NEDD9: variants seen among roughly 807,000 people sequenced by gnomAD.
NEDD9 encodes neural precursor cell expressed, developmentally down-regulated 9.
In NEDD9, 26 loss-of-function variants were observed where a neutral mutation model predicts 76.6. That is an observed-to-expected ratio of 0.34 (90% CI 0.25 to 0.47). The LOEUF (loss-of-function observed/expected upper bound fraction) is 0.47. Ranked by LOEUF, NEDD9 falls within the 20% of genes least tolerant of loss-of-function variation. NEDD9 has a pLI of 1.00. For missense variants in NEDD9, 937 were observed against 1,058.5 expected (o/e 0.89, Z 1.59); for synonymous variants, 392 against 414.2 (o/e 0.95, Z 0.65).
At chr6:11,289,055 G>T (rs1760708430) in intron 3 of NEDD9, among the ~76,000 whole-genome samples, 1 of 152,206 alleles carries the variant, frequency 6.6e-6, no homozygotes, top group Admixed American at 6.5e-5. Flanking sequence ...ATTGATTTGA[G>T]TCCAGACTTT....
At chr6:11,366,421 AAAAG>A (rs1293946730) in intron 1 of NEDD9, among the ~76,000 whole-genome samples, 5 of 152,022 alleles carry the variant, frequency 3.3e-5, no homozygotes, top group Non-Finnish European at 7.4e-5. Context: ...AGAAAAAAGA[AAAAG>A]AAAGGAAGAA....
chr6:11,281,638 G>A (rs1050262204), intron 3 of NEDD9, among the ~76,000 whole-genome samples: 9 of 152,160 alleles, frequency 5.9e-5, no homozygotes, highest in African/African-American at 2.2e-4. Context: ...ACAGGCATGA[G>A]CCACCACACC....
intron 3 of NEDD9, among the ~76,000 whole-genome samples, chr6:11,300,669 C>T (rs531160667): frequency 6.6e-6 from 1 of 152,158 alleles, no homozygotes; most frequent in Non-Finnish European, 1.5e-5. Context: ...GATCTGTTGG[C>T]AGAAACCCTA....
chr6:11,258,013 C>T (rs953862499), intron 3 of NEDD9, among the ~76,000 whole-genome samples: 5 of 152,126 alleles, frequency 3.3e-5, no homozygotes, highest in African/African-American at 7.2e-5. Flanking sequence ...GTTGGAATAT[C>T]CCCAAAGAGG....
At chr6:11,196,055 A>T (rs1758283607) in intron 2 of NEDD9, among the ~76,000 whole-genome samples, 1 of 152,180 alleles carries the variant, frequency 6.6e-6, no homozygotes, top group African/African-American at 2.4e-5. Context: ...TTGTAATCCC[A>T]GCGCTTTGGG....
chr6:11,298,429 A>C (rs964097894), intron 3 of NEDD9, among the ~76,000 whole-genome samples: 18 of 152,222 alleles, frequency 1.2e-4, no homozygotes. Flanking sequence ...AAATTAAAAA[A>C]TTGAGGTGGT....
intron 2 of NEDD9, among the ~76,000 whole-genome samples, chr6:11,212,907 G>A (rs1039890293): frequency 2.6e-5 from 4 of 152,178 alleles, no homozygotes; most frequent in African/African-American, 9.7e-5. Context: ...AGGCTTGTAC[G>A]AGATTTGGTG....
At chr6:11,348,502 G>A (rs1762405012) in intron 1 of NEDD9, among the ~76,000 whole-genome samples, 1 of 152,124 alleles carries the variant, frequency 6.6e-6, no homozygotes, top group Admixed American at 6.5e-5. Flanking sequence ...GAACAAAGCG[G>A]GAGGTAACAC....
chr6:11,355,716 T>C (rs566120766), intron 1 of NEDD9, among the ~76,000 whole-genome samples: 94 of 125,142 alleles, frequency 7.5e-4, no homozygotes, highest in African/African-American at 2.5e-3. Flanking sequence ...GAGCTTTAGG[T>C]TTTTTTTTTT....
chr6:11,355,973 G>C (rs993921568), intron 1 of NEDD9, among the ~76,000 whole-genome samples: 1 of 152,088 alleles, frequency 6.6e-6, no homozygotes, highest in Admixed American at 6.5e-5. Flanking sequence ...TGCCCACCTT[G>C]GCCTCCCAAA....
upstream of NEDD9, among the ~76,000 whole-genome samples, chr6:11,236,181 C>G (rs187389931): frequency 6.6e-6 from 1 of 152,246 alleles, no homozygotes; most frequent in Admixed American, 6.5e-5. This position sits in a 1 kb window ranked among gnomAD's most constrained non-coding sequence, Gnocchi z 5.5. Flanking sequence ...ATTTATGCAG[C>G]AGCCCTAGGA....
intron 1 of NEDD9, chr6:11,214,334 G>A (rs1331452456): frequency 1.5e-5 from 6 of 402,716 alleles, no homozygotes; most frequent in Admixed American, 6.6e-5. Context: ...ATGCCATCAA[G>A]CGTGGAGCAT....
intron 2 of NEDD9, among the ~76,000 whole-genome samples, chr6:11,325,562 C>G (rs1761908539): frequency 6.6e-6 from 1 of 152,090 alleles, no homozygotes; most frequent in South Asian, 2.1e-4. Flanking sequence ...TTCATGCTAA[C>G]AATTTAAAAT....
chr6:11,302,208 C>CAA (rs1761066128), intron 3 of NEDD9, among the ~76,000 whole-genome samples: 1 of 152,108 alleles, frequency 6.6e-6, no homozygotes, highest in Non-Finnish European at 1.5e-5. Context: ...CACAGAAATG[C>CAA]AAACTACCAT....
In NEDD9 at chr6:11,230,243, A is replaced by G. The variant is rs1475346; in HGVS notation, c.12+2261T>C. ...GAAATAGTCTTAAACTTTCTGGGAGAAGAAAACACTGGCCATATTTTAGAG... is the reference window on the plus strand; with the variant it reads ...GAAATAGTCTTAAACTTTCTGGGAGGAGAAAACACTGGCCATATTTTAGAG... On this transcript the variant is annotated intron_variant, in intron 1 of 6. Coordinates refer to ENST00000379446, the MANE Select transcript of NEDD9 (RefSeq NM_006403.4). Among the ~76,000 whole-genome samples the G allele has an allele frequency of 9.6e-3, 1,462 of 152,310 alleles. 12 individuals carry two copies. The highest frequency in any genetic ancestry group is 0.016 in the Non-Finnish European group (1,110 of 68,002).
chr6:11,358,814 C>T (rs781304387), intron 1 of NEDD9, among the ~76,000 whole-genome samples: 4 of 152,160 alleles, frequency 2.6e-5, no homozygotes, highest in Non-Finnish European at 4.4e-5. Flanking sequence ...GAGACTTAAA[C>T]AACTCTTACC....
chr6:11,290,828 T>C (rs939073575), intron 3 of NEDD9, among the ~76,000 whole-genome samples: 7 of 152,116 alleles, frequency 4.6e-5, no homozygotes, highest in African/African-American at 1.7e-4. Flanking sequence ...GCAGCTAACA[T>C]CTCTCCGAGG....
Position 11,318,496 on chromosome 6 carries a change from A to C in NEDD9, c.-152-12341T>G, listed in dbSNP as rs137975391. Among the ~76,000 whole-genome samples, 9 of 152,266 alleles carry C rather than the reference A, an allele frequency of 5.9e-5. No homozygotes were observed. The East Asian group carries it at 1.4e-3, about 23-fold the overall frequency. ...GGCGTTGATGACTCACTCATGTTAC[A>C]TAATTAGAATTCACCTTCAGACTTT... On this transcript the variant is annotated intron_variant, in intron 2 of 3. Coordinates refer to the NEDD9 transcript ENST00000397378.
At chr6:11,351,465 C>G (rs1309868077) in intron 1 of NEDD9, among the ~76,000 whole-genome samples, 1 of 152,216 alleles carries the variant, frequency 6.6e-6, no homozygotes, top group Non-Finnish European at 1.5e-5. Flanking sequence ...AAAGGCCACT[C>G]TCACCTTCCC....
Sources: allele counts gnomAD v4.1 joint callset (sites outside exome capture counted in the v4.1 genomes callset), GRCh38; gene constraint gnomAD v4.1.1; non-coding constraint Gnocchi (gnomAD v3.1); transcripts MANE v1.5; gene names NCBI Gene and HGNC (gene_info 2026-07-23, HGNC 2026-07-21).